NOP58: variants seen among roughly 807,000 people sequenced by gnomAD.
NOP58 encodes the protein nucleolar protein 58.
Under a neutral mutation model 71.2 loss-of-function variants are expected in NOP58, and 44 were observed. The observed-to-expected ratio is 0.62, with a 90% CI of 0.49 to 0.79. NOP58 has a LOEUF of 0.79. Ranked by LOEUF, NOP58 falls within the 30% of genes least tolerant of loss-of-function variation. The pLI, the probability that NOP58 is intolerant of heterozygous loss-of-function variation, is 0.00. For synonymous variants in NOP58, 228 were observed against 200.3 expected, an observed-to-expected ratio of 1.14 and a Z score of -1.17; for missense variants, 538 against 620.2, an observed-to-expected ratio of 0.87 and a Z score of 1.41.
intron 1 of NOP58, among the ~76,000 whole-genome samples, chr2:202,271,030 G>A (rs77939838): frequency 0.056 from 8,576 of 151,814 alleles, 304 homozygotes; most frequent in East Asian, 0.11. Flanking sequence ...GTTGCAGTGA[G>A]AAGACCGCGC....
At chr2:202,281,685 A>G (rs774742127) in intron 3 of NOP58, among the ~76,000 whole-genome samples, 20 of 152,220 alleles carry the variant, frequency 1.3e-4, no homozygotes. Context: ...TGGGTAACCC[A>G]AGCATACTTT....
At chr2:202,277,918 A>T (rs766300833) in intron 2 of NOP58, 32 bp from the exon 3 acceptor site, 1 of 1,211,102 alleles carries the variant, frequency 8.3e-7, no homozygotes, top group East Asian at 2.3e-5. Flanking sequence ...TGCCCCCAAT[A>T]ACATGTTTAT....
chr2:202,295,473 C>T lies in NOP58; in HGVS notation c.908-201C>T, dbSNP rs538238257. Reference sequence around the variant, plus strand: ...TAGCCTTCAGTTTGTCCTAGGCATTCATTGCAAACCTGCTTGTGCTAATGA... The same window carrying T: ...TAGCCTTCAGTTTGTCCTAGGCATTTATTGCAAACCTGCTTGTGCTAATGA... On this transcript the variant is annotated intron_variant, in intron 9 of 14. Transcript: ENST00000264279. 9.3e-4 allele frequency among the ~76,000 whole-genome samples: 141 copies of T among 152,270 alleles called. 1 individual carries two copies. Among genetic ancestry groups the T allele is most frequent in the African/African-American group, 3.2e-3 (133 of 41,560 alleles).
intron 12 of NOP58, chr2:202,299,764 G>GT (rs1312790740): frequency 6.6e-6 from 1 of 150,760 alleles, no homozygotes; most frequent in Non-Finnish European, 1.5e-5. Context: ...CCATGTGCAT[G>GT]TATTTGTATC....
intron 1 of NOP58, among the ~76,000 whole-genome samples, chr2:202,269,449 C>G (rs1166318194): frequency 6.6e-6 from 1 of 151,858 alleles, no homozygotes; most frequent in South Asian, 2.1e-4. Context: ...GGTGTTCTGC[C>G]CACTTATGTG....
At chr2:202,286,940 T>G (rs1688797504) in intron 5 of NOP58, among the ~76,000 whole-genome samples, 1 of 152,190 alleles carries the variant, frequency 6.6e-6, no homozygotes, top group African/African-American at 2.4e-5. Context: ...GAAAAAACAT[T>G]TTTATACAGA....
chr2:202,269,739 T>C (rs908251552), intron 1 of NOP58, among the ~76,000 whole-genome samples: 2 of 151,764 alleles, frequency 1.3e-5, no homozygotes, highest in African/African-American at 4.8e-5. Context: ...AGACTCCGTC[T>C]CAAAAAAAAG....
chr2:202,292,294 C>CT (rs1688916105), intron 8 of NOP58, among the ~76,000 whole-genome samples: 1 of 151,796 alleles, frequency 6.6e-6, no homozygotes, highest in African/African-American at 2.4e-5. Flanking sequence ...GCCTGGGCTG[C>CT]TTAGAATCTT....
intron 10 of NOP58, 104 bp downstream of exon 10, chr2:202,295,941 T>G: frequency 1.2e-6 from 1 of 868,828 alleles, no homozygotes; most frequent in South Asian, 3.7e-5. Flanking sequence ...CTATTGTCTC[T>G]TTCTTGTTAA....
chr2:202,299,952 C>T, intron 12 of NOP58: 1 of 231,052 alleles, frequency 4.3e-6, no homozygotes, highest in East Asian at 1.1e-4. Flanking sequence ...TTCCCCCATG[C>T]TGATTGAGTG....
chr2:202,290,641 G>C (rs1688870716), intron 7 of NOP58, among the ~76,000 whole-genome samples, 184 bp downstream of exon 7: 1 of 152,130 alleles, frequency 6.6e-6, no homozygotes, highest in Non-Finnish European at 1.5e-5. Flanking sequence ...CTTAGATTTT[G>C]ATGGCCTATA....
At chr2:202,286,094 A>T (rs1222683103) in intron 5 of NOP58, among the ~76,000 whole-genome samples, 3 of 148,416 alleles carry the variant, frequency 2.0e-5, no homozygotes, top group African/African-American at 7.4e-5. Flanking sequence ...AGGCAGGAGA[A>T]TGGCGTGAAC....
chr2:202,287,478 T>C (rs1416177264), intron 5 of NOP58, among the ~76,000 whole-genome samples, 182 bp from the exon 6 acceptor site: 1 of 152,034 alleles, frequency 6.6e-6, no homozygotes, highest in Non-Finnish European at 1.5e-5. Flanking sequence ...TTTTAATGTG[T>C]ATTTTCTGTT....
In NOP58 at chr2:202,287,243, A is replaced by G. The variant is rs187028385; in HGVS notation, c.435-417A>G. On this transcript the variant is annotated intron_variant, in intron 5 of 14. Transcript: ENST00000264279. Reference sequence around the variant, plus strand: ...CCCACCATGCCTGGCTAATTTTTATATTTTTAGTAGAGACAGGGTTTCGCC... The same window carrying G: ...CCCACCATGCCTGGCTAATTTTTATGTTTTTAGTAGAGACAGGGTTTCGCC... Among the ~76,000 whole-genome samples, 14 of 151,862 alleles carry G rather than the reference A, an allele frequency of 9.2e-5. No homozygotes were observed. In the East Asian group the frequency reaches 2.7e-3, roughly 29 times the overall value.
chr2:202,269,385 A>G (rs1688477215), intron 1 of NOP58, among the ~76,000 whole-genome samples: 1 of 145,804 alleles, frequency 6.9e-6, no homozygotes, highest in Non-Finnish European at 1.5e-5. Context: ...TATGTTGCCT[A>G]GGCTGGTCTC....
rs1688817743 is a variant in NOP58 at position 202,287,742 on chromosome 2, A to G, written c.499+18A>G. The G allele has an allele frequency of 1.3e-6, 2 of 1,568,812 alleles. No homozygotes were observed. Among genetic ancestry groups the G allele is most frequent in the Non-Finnish European group, 1.8e-6 (2 of 1,138,994 alleles). ...GGCAATTTGTAAGTATAGTACATGC[A>G]AAGTCCGATTTGTTGCTCTGTCCTT... On this transcript the variant is annotated intron_variant, in intron 6 of 14. Coordinates refer to ENST00000264279, the MANE Select transcript of NOP58 (RefSeq NM_015934.5).
chr2:202,275,682 T>G (rs1429725314), intron 2 of NOP58: 1 of 150,006 alleles, frequency 6.7e-6, no homozygotes, highest in East Asian at 2.0e-4. Flanking sequence ...TTTTGTTTGT[T>G]TTTTGAGACA....
intron 9 of NOP58, among the ~76,000 whole-genome samples, chr2:202,294,594 A>G (rs112652595): frequency 1.1e-4 from 16 of 152,160 alleles, no homozygotes; most frequent in African/African-American, 3.1e-4. Flanking sequence ...CTAAACATAC[A>G]TATCTATAAT....
intron 9 of NOP58, among the ~76,000 whole-genome samples, chr2:202,295,314 A>T (rs1688972217): frequency 6.6e-6 from 1 of 152,222 alleles, no homozygotes. Context: ...AGAATATTTG[A>T]TACAATCTCA....
Sources: gnomAD v4.1 joint callset for allele counts (sites outside exome capture counted in the v4.1 genomes callset) on GRCh38, gnomAD v4.1.1 for gene constraint, MANE v1.5 for transcripts, NCBI Gene and HGNC (gene_info 2026-07-23, HGNC 2026-07-21) for gene names.